Variants in KLHL11 observed in about 807,000 individuals in gnomAD.
The protein encoded by KLHL11 is kelch-like protein 11.
In KLHL11, 26 loss-of-function variants were observed where a neutral mutation model predicts 56.1. That is an observed-to-expected ratio of 0.46 (90% confidence interval 0.34 to 0.64). The LOEUF (loss-of-function observed/expected upper bound fraction) is 0.64, where lower values mean the gene tolerates loss of function less well. KLHL11 is among the 30% of genes least tolerant of loss of function. The pLI, the probability that KLHL11 is intolerant of heterozygous loss-of-function variation, is 0.01. For missense variants in KLHL11, 627 were observed against 919.4 expected, an observed-to-expected ratio of 0.68 and a Z score of 4.11; for synonymous variants, 338 against 345.8, an observed-to-expected ratio of 0.98 and a Z score of 0.25.
rs2048432344 is a variant in KLHL11 at position 41,865,220 on chromosome 17, C to T, written c.151G>A (p.Gly51Arg). 2 of 1,602,700 alleles carry T rather than the reference C, an allele frequency of 1.2e-6. No individual in the cohort carries two copies. The highest frequency in any genetic ancestry group is 1.7e-6 in the Non-Finnish European group (2 of 1,176,380). The change falls in exon 1 of 2, where the codon GGG (glycine) becomes AGG (arginine). Residue 51 changes from glycine (G) to arginine (R), a missense_variant. Gly to Arg is a moderately radical substitution (Grantham distance 125, BLOSUM62 -2). Coordinates refer to ENST00000319121, the MANE Select transcript of KLHL11 (RefSeq NM_018143.3). ...GCCTCCATTGCAGAGATCCCCGGCC[C>T]AGGCCCGAAGTCCACCGTGCCGCTG... ...RGSGTVDFGPGPGISAMEASG... is the reference protein window; with the variant it reads ...RGSGTVDFGPRPGISAMEASG...
intron 1 of KLHL11, among the ~76,000 whole-genome samples, chr17:41,861,686 C>CAAAAAAAAAAAA (rs71155178): frequency 4.8e-5 from 3 of 61,872 alleles, no homozygotes; most frequent in African/African-American, 1.3e-4. Flanking sequence ...ACTCTTGTCT[C>CAAAAAAAAAAAA]AAAAAAAAAA....
intron 1 of KLHL11, among the ~76,000 whole-genome samples, chr17:41,857,229 G>A (rs561160081): frequency 1.6e-4 from 25 of 151,738 alleles, no homozygotes; most frequent in Admixed American, 5.9e-4. Flanking sequence ...TATACAGGCC[G>A]GGCGCAGTGG....
chr17:41,865,240 C>A lies in KLHL11; in HGVS notation c.131G>T (p.Gly44Val). Residue 44 changes from glycine to valine, a missense_variant, in exon 1 of 2, where the codon GGC (glycine) becomes GTC (valine). Physicochemically the swap from Gly to Val is moderately radical, Grantham distance 109. Transcript: ENST00000319121. ...CGGCCCAGGCCCGAAGTCCACCGTGCCGCTGCCTCGGACCTCGGCGGCCAG... is the reference window on the plus strand; with the variant it reads ...CGGCCCAGGCCCGAAGTCCACCGTGACGCTGCCTCGGACCTCGGCGGCCAG... Reference protein sequence around the residue: ...AGLAAEVRGSGTVDFGPGPGI... With the variant: ...AGLAAEVRGSVTVDFGPGPGI... 1 of 1,593,596 alleles carries A rather than the reference C, an allele frequency of 6.3e-7. No homozygotes were observed. Among genetic ancestry groups the A allele is most frequent in the Non-Finnish European group, 8.5e-7 (1 of 1,172,788 alleles).
chr17:41,850,452 C>A lies in KLHL11; in HGVS notation c.*3288G>T, dbSNP rs1211655202. 4 of 152,136 alleles carry A rather than the reference C, an allele frequency of 2.6e-5. No homozygotes were observed. Among genetic ancestry groups the A allele is most frequent in the African/African-American group, 9.7e-5 (4 of 41,428 alleles). 9.4% of individuals were successfully genotyped at this position (152,136 alleles called of 1,614,324 possible). On this transcript the variant is annotated 3_prime_UTR_variant, in exon 2 of 2. Transcript: ENST00000319121. ...GTCACATGATGTGAAAAAAACACAA[C>A]CCCACAAATGACTTGGTAATAATTA...
At position 41,851,011 on chromosome 17, in the gene KLHL11, CAAG is replaced by C. The variant is rs1175957157; in HGVS notation, c.*2726_*2728del. 3 of 151,608 alleles carry C rather than the reference CAAG, an allele frequency of 2.0e-5. No homozygotes were observed. Among genetic ancestry groups the C allele is most frequent in the Non-Finnish European group, 2.9e-5 (2 of 67,974 alleles). 9.4% of individuals were successfully genotyped at this position (151,608 alleles called of 1,614,324 possible). ...TTCTCTTTTGGTATTTGATCACTAA[CAAG>C]AAGATTAACTATAATGGACTAGGGA... On this transcript the variant is annotated 3_prime_UTR_variant, in exon 2 of 2. Transcript: ENST00000319121.
rs782451769 is a variant in KLHL11 at position 41,853,784 on chromosome 17, C to T, written c.2083G>A (p.Ala695Thr). ...CTTGGCACTCGCCTCATGTTCAGGG[C>T]GTGACGATGTATCTCTTGCATCTGT... ...IRQMQEIHRH[A>T]LNMRRVPSSQ... Residue 695 changes from alanine to threonine, a missense_variant, in exon 2 of 2, where the codon GCC becomes ACC. Transcript: ENST00000319121. 3.7e-5 allele frequency: 59 copies of T among 1,613,906 alleles called. No homozygotes were observed. In the Middle Eastern group the frequency reaches 9.9e-4, roughly 27 times the overall value.
At chr17:41,860,783 C>G (rs1175004037) in intron 1 of KLHL11, among the ~76,000 whole-genome samples, 2 of 152,126 alleles carry the variant, frequency 1.3e-5, no homozygotes, top group Non-Finnish European at 2.9e-5. Flanking sequence ...ATCTTCCCAC[C>G]ACCCAATCCA....
intron 1 of KLHL11, among the ~76,000 whole-genome samples, chr17:41,859,275 T>G (rs914847838): frequency 1.1e-4 from 17 of 152,022 alleles, no homozygotes; most frequent in African/African-American, 3.9e-4. Context: ...TTGGGCGCAG[T>G]GGTTCAGGCC....
chr17:41,854,331 T>C lies in KLHL11; in HGVS notation c.1536A>G (p.Val512=). The C allele has an allele frequency of 6.2e-7, 1 of 1,614,232 alleles. No individual in the cohort carries two copies. The highest frequency in any genetic ancestry group is 2.2e-5 in the East Asian group (1 of 44,890). ...RFVYIAARTP[V]DRDTEDGLKA... is the part of the protein sequence containing the mutation. The stretch of plus-strand genomic sequence containing the variant: ...TTAATCCATCTTCAGTGTCCCGGTC[T>C]ACAGGAGTGCGGGCGGCAATGTATA... The change falls in exon 2 of 2, where the codon GTA becomes GTG. Residue 512 remains valine, a synonymous_variant. Transcript: ENST00000319121. This position sits in a 1 kb window ranked among gnomAD's most constrained non-coding sequence, Gnocchi z 4.9.
intron 1 of KLHL11, among the ~76,000 whole-genome samples, chr17:41,857,824 C>T (rs11079019): frequency 0.76 from 115,119 of 151,698 alleles, 43,934 homozygotes; most frequent in Admixed American, 0.85. Context: ...TTTTTCTTCT[C>T]TTTTGTTTAG....
chr17:41,863,505 T>C (rs1475315750), intron 1 of KLHL11, among the ~76,000 whole-genome samples: 2 of 152,190 alleles, frequency 1.3e-5, no homozygotes, highest in Non-Finnish European at 2.9e-5. Context: ...CGCCACATCC[T>C]TTTTTCAGCA....
chr17:41,859,477 A>T (rs1597949755), intron 1 of KLHL11, among the ~76,000 whole-genome samples: 1 of 152,306 alleles, frequency 6.6e-6, no homozygotes, highest in African/African-American at 2.4e-5. Flanking sequence ...AGGCAGGAGA[A>T]TCGCTTGAAC....
At position 41,853,246 on chromosome 17, in the gene KLHL11, T is replaced by C. The variant is rs2048341918; in HGVS notation, c.*494A>G. Among the ~76,000 whole-genome samples the C allele has an allele frequency of 6.6e-6, 1 of 152,188 alleles. No homozygotes were observed. Among genetic ancestry groups the C allele is most frequent in the Non-Finnish European group, 1.5e-5 (1 of 68,042 alleles). On this transcript the variant is annotated 3_prime_UTR_variant, in exon 2 of 2. Transcript: ENST00000319121. ...ACATTCTCAAATTATCTTGCTGAAATATTGAGTGTTTTCATTCAAATTTCA... is the reference window on the plus strand; with the variant it reads ...ACATTCTCAAATTATCTTGCTGAAACATTGAGTGTTTTCATTCAAATTTCA...
chr17:41,863,804 GTCT>G (rs1567875972), intron 1 of KLHL11, among the ~76,000 whole-genome samples: 1 of 152,080 alleles, frequency 6.6e-6, no homozygotes, highest in Non-Finnish European at 1.5e-5. Context: ...TTAGCAAAAC[GTCT>G]TCTTCATAGG....
At chr17:41,856,210 C>A (rs560732347) in intron 1 of KLHL11, among the ~76,000 whole-genome samples, 95 of 152,174 alleles carry the variant, frequency 6.2e-4, no homozygotes, top group African/African-American at 2.2e-3. Flanking sequence ...AGGCTGGTCT[C>A]GAACTCCTGA....
rs2048427514 is a variant in KLHL11 at position 41,864,869 on chromosome 17, C to T, written c.502G>A (p.Val168Ile). 3 of 1,571,766 alleles carry T rather than the reference C, an allele frequency of 1.9e-6. No homozygotes were observed. Among genetic ancestry groups the T allele is most frequent in the Non-Finnish European group, 2.6e-6 (3 of 1,156,596 alleles). ...IEYMYTGRIR[V>I]STGSVHEVLE... ...ACCTCGTGCACGCTGCCCGTGCTGA[C>T]GCGGATGCGCCCGGTGTACATGTAC... The change falls in exon 1 of 2, where the codon GTC (valine) becomes ATC (isoleucine). Residue 168 changes from valine (V) to isoleucine (I), a missense_variant. By Grantham distance (29) the Val-to-Ile change is conservative. This residue lies in a region of KLHL11 where 150 missense variants were observed against 215.7 expected (regional missense o/e 0.70). Transcript: ENST00000319121.
intron 1 of KLHL11, among the ~76,000 whole-genome samples, chr17:41,864,057 G>GC (rs1469401710): frequency 6.6e-6 from 1 of 152,130 alleles, no homozygotes; most frequent in African/African-American, 2.4e-5. Flanking sequence ...TTAGAATCCC[G>GC]CATCTGAGCT....
At chr17:41,863,779 T>C (rs1290787584) in intron 1 of KLHL11, among the ~76,000 whole-genome samples, 1 of 152,200 alleles carries the variant, frequency 6.6e-6, no homozygotes, top group Non-Finnish European at 1.5e-5. Context: ...CAGTCTACCT[T>C]ACCTCCTTCG....
In KLHL11 at chr17:41,851,220, C is replaced by A. The variant is rs1233241875; in HGVS notation, c.*2520G>T. ...GACCAGCCTGGCCAATAAGGTGAGA[C>A]CTCACATCTTAAAAAACCAAAACAA... is the stretch of plus-strand genomic sequence containing the variant. On this transcript the variant is annotated 3_prime_UTR_variant, in exon 2 of 2. Coordinates refer to ENST00000319121, the MANE Select transcript of KLHL11 (RefSeq NM_018143.3). 4 of 152,072 alleles carry A rather than the reference C, an allele frequency of 2.6e-5. No individual in the cohort carries two copies. Among genetic ancestry groups the A allele is most frequent in the Admixed American group, 6.5e-5 (1 of 15,268 alleles). 9.4% of individuals were successfully genotyped at this position (152,072 alleles called of 1,614,324 possible). A position where few individuals can be genotyped will look rare whatever the true frequency, so the allele number is the denominator to read the frequency against.
Sources: gnomAD v4.1 joint callset for allele counts (sites outside exome capture counted in the v4.1 genomes callset) on GRCh38, gnomAD v4.1.1 for gene constraint, gnomAD v4.1.1 regional missense constraint, Gnocchi (gnomAD v3.1) non-coding constraint, MANE v1.5 for transcripts, NCBI Gene and HGNC (gene_info 2026-07-23, HGNC 2026-07-21) for gene names.